RNF216: variants seen among roughly 807,000 people sequenced by gnomAD.
The protein encoded by RNF216 is E3 ubiquitin-protein ligase RNF216.
In RNF216, 72 loss-of-function variants were observed where a neutral mutation model predicts 110.8. The observed-to-expected ratio is 0.65, with a 90% confidence interval of 0.54 to 0.79. The LOEUF (loss-of-function observed/expected upper bound fraction) is 0.79. RNF216 is among the 30% of genes least tolerant of loss of function. RNF216 has a pLI of 0.00. For missense variants in RNF216, 1,342 were observed against 1,141.2 expected, an observed-to-expected ratio of 1.18 and a Z score of -2.54; for synonymous variants, 495 against 407.5, an observed-to-expected ratio of 1.21 and a Z score of -2.59.
Position 5,715,118 on chromosome 7 carries a change from C to G in RNF216, c.1768G>C (p.Ala590Pro). The G allele has an allele frequency of 6.2e-7, 1 of 1,613,812 alleles. No homozygotes were observed. The highest frequency in any genetic ancestry group is 8.5e-7 in the Non-Finnish European group (1 of 1,179,920). ...AGACACTCTTTGCAGAACAAGTGAG[C>G]ATCTGCGCACTGCGTCAGCTCCTCG... is the stretch of plus-strand genomic sequence containing the variant. ...PFEELTQCAD[A>P]HLFCKECLIR... Residue 590 changes from alanine (A) to proline (P), a missense_variant, in exon 11 of 17, where the codon GCT becomes CCT. Coordinates refer to ENST00000389902, the MANE Select transcript of RNF216 (RefSeq NM_207111.4).
chr7:5,716,034 T>C (rs1051651208), intron 10 of RNF216, among the ~76,000 whole-genome samples: 3 of 152,038 alleles, frequency 2.0e-5, no homozygotes, highest in African/African-American at 7.2e-5. Context: ...AGCCACTGCA[T>C]CCAGCCCCAT....
At chr7:5,690,810 C>A (rs1047051416) in intron 13 of RNF216, among the ~76,000 whole-genome samples, 1 of 152,174 alleles carries the variant, frequency 6.6e-6, no homozygotes, top group East Asian at 1.9e-4. Context: ...GATGTACACA[C>A]GCATGTTCTG....
Position 5,774,373 on chromosome 7 carries a change from T to C in RNF216, c.-70+7168A>G, listed in dbSNP as rs192899289. ...GAATCCTTTGAGCCCAGGAGTTCAA[T>C]GCTGCAAGTAAGCTATGATAGCACC... On this transcript the variant is annotated intron_variant, in intron 1 of 16. Transcript: ENST00000389902. 7.9e-5 allele frequency among the ~76,000 whole-genome samples: 12 copies of C among 152,334 alleles called. 1 individual carries two copies. Among genetic ancestry groups the C allele is most frequent in the African/African-American group, 2.4e-4 (10 of 41,586 alleles).
intron 13 of RNF216, among the ~76,000 whole-genome samples, chr7:5,698,438 G>A (rs544854890): frequency 6.8e-6 from 1 of 148,052 alleles, no homozygotes; most frequent in South Asian, 2.2e-4. Flanking sequence ...CATGCATGCT[G>A]GAGTACAGTG....
intron 3 of RNF216, among the ~76,000 whole-genome samples, chr7:5,743,695 C>A (rs982260100): frequency 2.6e-5 from 4 of 152,108 alleles, no homozygotes; most frequent in Non-Finnish European, 5.9e-5. Context: ...AAGAAAAGAC[C>A]TGGAAGGATA....
chr7:5,648,484 G>A (rs1378315195), intron 14 of RNF216, among the ~76,000 whole-genome samples: 1 of 151,482 alleles, frequency 6.6e-6, no homozygotes, highest in Non-Finnish European at 1.5e-5. Flanking sequence ...CCAGCACTGT[G>A]GGAGGCCAAG....
chr7:5,757,466 T>A (rs1460389397), intron 2 of RNF216, among the ~76,000 whole-genome samples: 1 of 152,026 alleles, frequency 6.6e-6, no homozygotes, highest in East Asian at 1.9e-4. Flanking sequence ...CCTAACAAAA[T>A]TTTTTTAAAT....
chr7:5,734,052 TTAG>T (rs1794247559), intron 5 of RNF216, among the ~76,000 whole-genome samples: 1 of 152,100 alleles, frequency 6.6e-6, no homozygotes, highest in African/African-American at 2.4e-5. Context: ...TTTTAAAAGC[TTAG>T]GAGGGGAAAA....
At chr7:5,708,553 CA>C (rs1792449247) in intron 13 of RNF216, among the ~76,000 whole-genome samples, 1 of 152,190 alleles carries the variant, frequency 6.6e-6, no homozygotes, top group Non-Finnish European at 1.5e-5. Flanking sequence ...GTACAGTACT[CA>C]ATAAATTACA....
intron 8 of RNF216, among the ~76,000 whole-genome samples, chr7:5,722,064 C>A (rs544074024): frequency 6.6e-6 from 1 of 152,022 alleles, no homozygotes; most frequent in South Asian, 2.1e-4. Context: ...TGGGACTATA[C>A]AGGCAGATGC....
At chr7:5,770,179 G>C (rs992505979) in intron 1 of RNF216, among the ~76,000 whole-genome samples, 2 of 151,514 alleles carry the variant, frequency 1.3e-5, no homozygotes, top group Admixed American at 1.3e-4. Context: ...AAGATTACTT[G>C]GGCTGGGCGC....
At chr7:5,674,087 T>C (rs1386669495) in intron 13 of RNF216, among the ~76,000 whole-genome samples, 1 of 151,726 alleles carries the variant, frequency 6.6e-6, no homozygotes, top group East Asian at 1.9e-4. Flanking sequence ...TGGAGTGCAA[T>C]GGCGTTATCT....
chr7:5,742,071 C>G (rs182155273), intron 3 of RNF216, among the ~76,000 whole-genome samples: 6 of 152,276 alleles, frequency 3.9e-5, no homozygotes, highest in African/African-American at 1.4e-4. Context: ...TTTTGAGACA[C>G]AGTTTTCCTC....
chr7:5,649,531 G>C (rs1788258119), intron 14 of RNF216: 1 of 151,964 alleles, frequency 6.6e-6, no homozygotes, highest in African/African-American at 2.4e-5. Context: ...AAAACGTTTT[G>C]ACATCTGGCA....
intron 13 of RNF216, among the ~76,000 whole-genome samples, chr7:5,711,227 A>C (rs1232387730): frequency 6.6e-6 from 1 of 152,240 alleles, no homozygotes; most frequent in Non-Finnish European, 1.5e-5. Context: ...AAGATCTGCA[A>C]CAGTAATGCA....
intron 5 of RNF216, among the ~76,000 whole-genome samples, chr7:5,735,586 G>A (rs1396791880): frequency 6.6e-6 from 1 of 152,186 alleles, no homozygotes; most frequent in Non-Finnish European, 1.5e-5. Flanking sequence ...AGAAATTTGT[G>A]GGCTAAAAGA....
At chr7:5,762,605 T>C (rs1200584804) in intron 1 of RNF216, among the ~76,000 whole-genome samples, 1 of 151,892 alleles carries the variant, frequency 6.6e-6, no homozygotes, top group Non-Finnish European at 1.5e-5. Context: ...GGCAGGAGAA[T>C]GGCATGAACC....
At chr7:5,721,949 G>A (rs1337506167) in intron 8 of RNF216, among the ~76,000 whole-genome samples, 2 of 152,228 alleles carry the variant, frequency 1.3e-5, no homozygotes, top group African/African-American at 4.8e-5. Context: ...TGGAGACAGA[G>A]CCTTGCTCTG....
chr7:5,772,043 G>C (rs563585429), intron 1 of RNF216, among the ~76,000 whole-genome samples: 1 of 152,332 alleles, frequency 6.6e-6, no homozygotes, highest in African/African-American at 2.4e-5. Context: ...AGACCAGCCT[G>C]ACCAACATGG....
Sources: gnomAD v4.1 joint callset for allele counts (sites outside exome capture counted in the v4.1 genomes callset) on GRCh38, gnomAD v4.1.1 for gene constraint, MANE v1.5 for transcripts, NCBI Gene and HGNC (gene_info 2026-07-23, HGNC 2026-07-21) for gene names.